SAMD5: variants seen among roughly 807,000 people sequenced by gnomAD.
SAMD5 encodes the protein sterile alpha motif domain containing 5.
In SAMD5, 13 loss-of-function variants were observed where a neutral mutation model predicts 11.3. The observed-to-expected ratio is 1.15, with a 90% CI of 0.75 to 1.83. The LOEUF is 1.83. SAMD5 is among the 40% of genes most tolerant of loss of function. SAMD5 has a pLI of 0.00. For synonymous variants in SAMD5, 129 were observed against 111.3 expected (o/e 1.16, Z -1.00); for missense variants, 255 against 239.1 (o/e 1.07, Z -0.44).
the SAMD5 span, among the ~76,000 whole-genome samples, chr6:147,889,309 C>A: frequency 6.6e-6 from 1 of 152,104 alleles, no homozygotes; most frequent in Non-Finnish European, 1.5e-5. Flanking sequence ...TATTTTTAAT[C>A]ATTAGAAGTT....
At chr6:147,699,226 G>A (rs1445574886) in intron 1 of SAMD5, among the ~76,000 whole-genome samples, 2 of 152,080 alleles carry the variant, frequency 1.3e-5, no homozygotes, top group African/African-American at 2.4e-5. Context: ...CTAGACTGAC[G>A]CCTGGCTCAA....
In SAMD5 at chr6:147,569,912, A is replaced by G; in HGVS notation, c.*5456A>G. ...TTAAAGGACGTTATGAGAAGGCACT[A>G]TGAAAAGCCTAATTGGAATAGCATT... On this transcript the variant is annotated 3_prime_UTR_variant, in exon 2 of 2. Transcript: ENST00000367474. 1 of 985,234 alleles carries G rather than the reference A, an allele frequency of 1.0e-6. No homozygotes were observed. The highest frequency in any genetic ancestry group is 1.2e-6 in the Non-Finnish European group (1 of 829,722). The allele number at this position is 985,234 out of a possible 1,614,324, so 61.0% of individuals were successfully genotyped here.
chr6:147,775,486 TTTCTC>T, the SAMD5 span, among the ~76,000 whole-genome samples: 2 of 152,206 alleles, frequency 1.3e-5, no homozygotes, highest in Admixed American at 6.5e-5. Context: ...TCACTATTCT[TTTCTC>T]TGATCACTTT....
chr6:147,723,285 G>T (rs1791580950), intron 1 of SAMD5, among the ~76,000 whole-genome samples: 1 of 152,130 alleles, frequency 6.6e-6, no homozygotes, highest in Admixed American at 6.5e-5. Context: ...TGGAGTAGCA[G>T]ATGTCTTTTT....
the SAMD5 span, among the ~76,000 whole-genome samples, chr6:147,742,886 C>T: frequency 6.6e-6 from 1 of 152,062 alleles, no homozygotes; most frequent in African/African-American, 2.4e-5. Context: ...ATTAATTTTA[C>T]TTGTTGTACA....
intron 1 of SAMD5, among the ~76,000 whole-genome samples, chr6:147,612,429 C>T (rs1335306756): frequency 6.6e-6 from 1 of 152,028 alleles, no homozygotes; most frequent in African/African-American, 2.4e-5. Context: ...TTTTATATTG[C>T]CTCTGATTTA....
chr6:147,861,929 C>G, the SAMD5 span, among the ~76,000 whole-genome samples: 2 of 152,162 alleles, frequency 1.3e-5, no homozygotes, highest in Non-Finnish European at 2.9e-5. Flanking sequence ...TAGCGCCTTG[C>G]ACATAAATAG....
chr6:147,748,863 C>G, the SAMD5 span, among the ~76,000 whole-genome samples: 1 of 152,148 alleles, frequency 6.6e-6, no homozygotes, highest in Non-Finnish European at 1.5e-5. Flanking sequence ...AATGATAGAA[C>G]CAACCCTATA....
chr6:147,948,137 A>G, the SAMD5 span, among the ~76,000 whole-genome samples: 1 of 152,098 alleles, frequency 6.6e-6, no homozygotes, highest in Non-Finnish European at 1.5e-5. Flanking sequence ...CTGTACTGGC[A>G]CAGACATTAT....
At chr6:147,674,470 T>C (rs988972033) in intron 1 of SAMD5, among the ~76,000 whole-genome samples, 21 of 152,192 alleles carry the variant, frequency 1.4e-4, no homozygotes, top group African/African-American at 4.8e-4. Flanking sequence ...TCAGTTTTTT[T>C]CTCACTAAAA....
chr6:147,621,292 T>C (rs1273722381), intron 1 of SAMD5, among the ~76,000 whole-genome samples: 1 of 152,122 alleles, frequency 6.6e-6, no homozygotes, highest in African/African-American at 2.4e-5. Flanking sequence ...GACAGTGAGA[T>C]CATGAGGTTG....
chr6:147,675,237 A>T (rs1306933829), intron 1 of SAMD5, among the ~76,000 whole-genome samples: 1 of 152,208 alleles, frequency 6.6e-6, no homozygotes, highest in East Asian at 1.9e-4. Context: ...TGGATAGCCT[A>T]TCATTCTAAT....
chr6:147,797,264 C>G, the SAMD5 span, among the ~76,000 whole-genome samples: 2 of 144,826 alleles, frequency 1.4e-5, no homozygotes, highest in Non-Finnish European at 3.0e-5. Context: ...TTTATTGAGA[C>G]TTTTTAGCAT....
intron 1 of SAMD5, among the ~76,000 whole-genome samples, chr6:147,549,600 C>T (rs372476019): frequency 2.6e-5 from 4 of 152,192 alleles, no homozygotes; most frequent in African/African-American, 4.8e-5. Flanking sequence ...TCACACATCG[C>T]GTCGGTTTTG....
chr6:147,938,064 G>A, the SAMD5 span, among the ~76,000 whole-genome samples: 555 of 152,244 alleles, frequency 3.6e-3, 3 homozygotes, highest in African/African-American at 0.013. Context: ...AGAGGTGATT[G>A]AGTCTTCAAT....
At chr6:147,842,977 A>G in the SAMD5 span, among the ~76,000 whole-genome samples, 2 of 152,150 alleles carry the variant, frequency 1.3e-5, no homozygotes, top group South Asian at 4.1e-4. Context: ...CTCCCACCTC[A>G]GCCTCTCAAG....
chr6:147,753,864 G>A, the SAMD5 span, among the ~76,000 whole-genome samples: 2 of 152,110 alleles, frequency 1.3e-5, no homozygotes, highest in South Asian at 4.1e-4. Context: ...TTCCATCCAT[G>A]TTGTTGCAAA....
intron 1 of SAMD5, among the ~76,000 whole-genome samples, chr6:147,516,366 C>A (rs501472): frequency 6.6e-6 from 1 of 151,824 alleles, no homozygotes. Flanking sequence ...AGTGGTTCAG[C>A]GCAACAGGCT....
intron 1 of SAMD5, among the ~76,000 whole-genome samples, chr6:147,629,554 A>C (rs966034584): frequency 2.0e-5 from 3 of 152,212 alleles, no homozygotes; most frequent in Non-Finnish European, 4.4e-5. Flanking sequence ...GTTGATTTTA[A>C]AGGGAAAACT....
Sources: gnomAD v4.1 joint callset for allele counts (sites outside exome capture counted in the v4.1 genomes callset) on GRCh38, gnomAD v4.1.1 for gene constraint, MANE v1.5 for transcripts, NCBI Gene and HGNC (gene_info 2026-07-23, HGNC 2026-07-21) for gene names.